The following TNR variants were observed in gnomAD, a reference collection of about 807,000 sequenced individuals.
TNR encodes tenascin-R.
A neutral mutation model predicts 150.4 loss-of-function variants in TNR; 45 were observed. That is an observed-to-expected ratio of 0.30 (90% CI 0.24 to 0.38). The LOEUF is 0.38. TNR is among the 10% of genes least tolerant of loss of function. The pLI, the probability that TNR is intolerant of heterozygous loss-of-function variation, is 1.00. For synonymous variants in TNR, 687 were observed against 678.4 expected (o/e 1.01, Z -0.20); for missense variants, 1,544 against 1,759.1 (o/e 0.88, Z 2.19).
At chr1:175,469,159 G>A (rs1332119796) in intron 2 of TNR, among the ~76,000 whole-genome samples, 1 of 152,130 alleles carries the variant, frequency 6.6e-6, no homozygotes, top group African/African-American at 2.4e-5. Context: ...CGAGGCTGCT[G>A]GTTGGAGATG....
chr1:175,389,078 C>T lies in TNR; in HGVS notation c.1507+2210G>A, dbSNP rs113231138. On this transcript the variant is annotated intron_variant, in intron 7 of 22. Transcript: ENST00000367674. ...CAGGAATAACTTGGGCACCTTGTAA[C>T]ATTTCATATCAGAAGAGGAGAAGCT... Among the ~76,000 whole-genome samples the T allele has an allele frequency of 1.2e-3, 189 of 152,296 alleles. 1 individual carries two copies. The highest frequency in any genetic ancestry group is 2.0e-3 in the Non-Finnish European group (138 of 68,020).
intron 6 of TNR, among the ~76,000 whole-genome samples, chr1:175,391,681 C>A (rs1356142845): frequency 6.6e-6 from 1 of 152,206 alleles, no homozygotes; most frequent in African/African-American, 2.4e-5. Flanking sequence ...AAGAACATTT[C>A]TTTGGCCACT....
chr1:175,599,992 C>G lies in TNR; in HGVS notation c.-164-71623G>C, dbSNP rs929398934. On this transcript the variant is annotated intron_variant, in intron 1 of 22. Transcript: ENST00000367674. This position sits in a 1 kb window ranked among gnomAD's most constrained non-coding sequence, Gnocchi z 4.7. ...AATCCCTTGCAGGACTTCCATTCGA[C>G]TGCACGCCTACTTATCCTGGCATTC... Among the ~76,000 whole-genome samples the G allele has an allele frequency of 6.6e-6, 1 of 152,202 alleles. No homozygotes were observed. Among genetic ancestry groups the G allele is most frequent in the East Asian group, 1.9e-4 (1 of 5,190 alleles).
intron 14 of TNR, among the ~76,000 whole-genome samples, chr1:175,362,343 CA>C (rs1204162777): frequency 6.6e-6 from 1 of 152,194 alleles, no homozygotes; most frequent in Non-Finnish European, 1.5e-5. Flanking sequence ...GAGTCTTTTA[CA>C]AAATCAGATG....
intron 1 of TNR, among the ~76,000 whole-genome samples, chr1:175,741,983 CT>C (rs1667943336): frequency 6.6e-6 from 1 of 152,180 alleles, no homozygotes; most frequent in African/African-American, 2.4e-5. Context: ...GAAGCCACAT[CT>C]CTTTCAAGTT....
chr1:175,482,128 C>T (rs905024412), intron 2 of TNR, among the ~76,000 whole-genome samples: 1 of 152,188 alleles, frequency 6.6e-6, no homozygotes, highest in Non-Finnish European at 1.5e-5. Context: ...GTATTAGCAA[C>T]TGGCACAAGA....
At chr1:175,603,147 A>T (rs577816469) in intron 1 of TNR, among the ~76,000 whole-genome samples, 1 of 152,318 alleles carries the variant, frequency 6.6e-6, no homozygotes, top group African/African-American at 2.4e-5. Context: ...GATTTACCCA[A>T]GGTCCACCAG....
In TNR at chr1:175,318,907, T is replaced by C. The variant is rs1648914461; in HGVS notation, c.*4450A>G. 6.6e-6 allele frequency: 1 copy of C among 152,168 alleles called. No individual in the cohort carries two copies. The highest frequency in any genetic ancestry group is 2.4e-5 in the African/African-American group (1 of 41,428). The allele number at this position is 152,168 out of a possible 1,614,324, so 9.4% of individuals were successfully genotyped here. A position where few individuals can be genotyped will look rare whatever the true frequency, so the allele number is the denominator to read the frequency against. The stretch of plus-strand genomic sequence containing the variant: ...GCAGCCGTGGCAAGTTTGAAGCAAG[T>C]GAAAACAAATTATCCCAACTTCTTT... On this transcript the variant is annotated 3_prime_UTR_variant, in exon 23 of 23. Coordinates refer to ENST00000367674, the MANE Select transcript of TNR (RefSeq NM_003285.3).
At chr1:175,404,872 G>T (rs1222125244) in intron 3 of TNR, among the ~76,000 whole-genome samples, 1 of 152,222 alleles carries the variant, frequency 6.6e-6, no homozygotes, top group Admixed American at 6.5e-5. Flanking sequence ...CTTCTGTTCT[G>T]CAGATTGTTT....
chr1:175,476,629 C>A (rs1009431395), intron 2 of TNR, among the ~76,000 whole-genome samples: 1 of 152,204 alleles, frequency 6.6e-6, no homozygotes, highest in Non-Finnish European at 1.5e-5. Flanking sequence ...CAAAGCTACA[C>A]CTCACAATAA....
intron 9 of TNR, among the ~76,000 whole-genome samples, chr1:175,372,778 G>A (rs1303204783): frequency 6.6e-6 from 1 of 152,128 alleles, no homozygotes; most frequent in East Asian, 1.9e-4. Flanking sequence ...TGGACATGAG[G>A]AAATATGGAC....
rs374655092 is a variant in TNR at position 175,380,500 on chromosome 1, G to A, written c.1778-763C>T. 4.0e-5 allele frequency among the ~76,000 whole-genome samples: 6 copies of A among 150,882 alleles called. No individual in the cohort carries two copies. The South Asian group carries it at 1.1e-3, about 27-fold the overall frequency. ...GCAGGAGAATGGTGTGAACCCGGGA[G>A]GCGGAGCTTGCAGCGAGCCGAGATC... On this transcript the variant is annotated intron_variant, in intron 8 of 22. Coordinates refer to ENST00000367674, the MANE Select transcript of TNR (RefSeq NM_003285.3).
At chr1:175,361,184 C>T (rs1651570448) in intron 14 of TNR, among the ~76,000 whole-genome samples, 1 of 152,188 alleles carries the variant, frequency 6.6e-6, no homozygotes, top group African/African-American at 2.4e-5. Context: ...GCCTCAGCCT[C>T]CCTGGTAGCT....
At chr1:175,639,803 C>T (rs182666342) in intron 1 of TNR, among the ~76,000 whole-genome samples, 54 of 152,284 alleles carry the variant, frequency 3.5e-4, no homozygotes, top group African/African-American at 1.1e-3. Context: ...CTTCCTTCAG[C>T]GTGGAATGCT....
At position 175,571,447 on chromosome 1, in the gene TNR, C is replaced by G. The variant is rs1571622181; in HGVS notation, c.-164-43078G>C. 2.6e-5 allele frequency among the ~76,000 whole-genome samples: 4 copies of G among 152,284 alleles called. No homozygotes were observed. In the East Asian group the frequency reaches 7.7e-4, roughly 29 times the overall value. On this transcript the variant is annotated intron_variant, in intron 1 of 22. Transcript: ENST00000367674. Reference sequence around the variant, plus strand: ...TATCTCCATGTTACAGATGAGGAAGCCTCAGCTTAGAGCAATTCCCTCAAA... The same window carrying G: ...TATCTCCATGTTACAGATGAGGAAGGCTCAGCTTAGAGCAATTCCCTCAAA...
chr1:175,589,835 C>T (rs566332909), intron 1 of TNR, among the ~76,000 whole-genome samples: 2 of 151,744 alleles, frequency 1.3e-5, no homozygotes, highest in Admixed American at 6.6e-5. Flanking sequence ...CATCACACAC[C>T]GGGGCCTGTC....
intron 4 of TNR, among the ~76,000 whole-genome samples, chr1:175,401,606 A>G (rs1249534410): frequency 6.6e-6 from 1 of 152,172 alleles, no homozygotes; most frequent in African/African-American, 2.4e-5. Context: ...TTTTTTCCCT[A>G]AGCACAGTGC....
chr1:175,682,750 T>C (rs1490825808), intron 1 of TNR, among the ~76,000 whole-genome samples: 2 of 152,132 alleles, frequency 1.3e-5, no homozygotes, highest in African/African-American at 2.4e-5. Context: ...AACTGGGTTG[T>C]ACCAAAGAAC....
intron 1 of TNR, among the ~76,000 whole-genome samples, chr1:175,680,620 C>A (rs1462717436): frequency 2.6e-5 from 4 of 151,814 alleles, no homozygotes; most frequent in African/African-American, 9.7e-5. Flanking sequence ...TGGGGAAATG[C>A]AAGAGAGACA....
Sources: gnomAD v4.1 joint callset for allele counts (sites outside exome capture counted in the v4.1 genomes callset) on GRCh38, gnomAD v4.1.1 for gene constraint, Gnocchi (gnomAD v3.1) non-coding constraint, MANE v1.5 for transcripts, NCBI Gene and HGNC (gene_info 2026-07-23, HGNC 2026-07-21) for gene names.